Variants in NAV3 observed in about 807,000 individuals in gnomAD.
NAV3 encodes the protein pore membrane and/or filament interacting like protein 1.
NAV3 carries 87 observed loss-of-function variants against 244.7 expected under a neutral mutation model. That is an observed-to-expected ratio of 0.36 (90% CI 0.30 to 0.42). The LOEUF is 0.42. NAV3 is among the 20% of genes least tolerant of loss of function. The pLI is 1.00. For synonymous variants in NAV3, 1,126 were observed against 1,042.2 expected (o/e 1.08, Z -1.55); for missense variants, 2,663 against 2,893.3 (o/e 0.92, Z 1.83).
intron 1 of NAV3, among the ~76,000 whole-genome samples, chr12:77,925,397 T>C (rs1888098542): frequency 6.6e-6 from 1 of 152,216 alleles, no homozygotes; most frequent in Non-Finnish European, 1.5e-5. Flanking sequence ...TCTGCATGTT[T>C]TCTGTTTTTA....
At chr12:77,697,210 C>A (rs1017853109) in intron 2 of NAV3, among the ~76,000 whole-genome samples, 1 of 152,124 alleles carries the variant, frequency 6.6e-6, no homozygotes, top group Non-Finnish European at 1.5e-5. Context: ...ATTTCTCTCC[C>A]AGCCCTACCT....
intron 12 of NAV3, among the ~76,000 whole-genome samples, chr12:78,093,493 C>T (rs986494600): frequency 6.6e-6 from 1 of 152,032 alleles, no homozygotes; most frequent in Non-Finnish European, 1.5e-5. Flanking sequence ...TAGGGCATGA[C>T]GTTGTAATGG....
At chr12:77,707,947 T>G (rs1844232324) in intron 2 of NAV3, among the ~76,000 whole-genome samples, 1 of 152,184 alleles carries the variant, frequency 6.6e-6, no homozygotes, top group African/African-American at 2.4e-5. Flanking sequence ...CTTTGTAGAT[T>G]TTGGATATTA....
intron 2 of NAV3, among the ~76,000 whole-genome samples, chr12:77,767,908 G>T (rs1288286054): frequency 6.6e-6 from 1 of 152,208 alleles, no homozygotes; most frequent in East Asian, 1.9e-4. Context: ...CATTTGGCAG[G>T]TCCCAAGTTT....
At chr12:77,654,150 G>T (rs1481014855) in intron 2 of NAV3, among the ~76,000 whole-genome samples, 1 of 152,110 alleles carries the variant, frequency 6.6e-6, no homozygotes, top group African/African-American at 2.4e-5. Flanking sequence ...GCAGGGCGAG[G>T]CATTGCCTCA....
intron 4 of NAV3, among the ~76,000 whole-genome samples, chr12:77,968,007 G>A (rs149979441): frequency 1.5e-3 from 226 of 152,278 alleles, no homozygotes; most frequent in African/African-American, 5.2e-3. Context: ...GTTGGTGAGT[G>A]GGTGATTTAG....
intron 1 of NAV3, among the ~76,000 whole-genome samples, chr12:77,928,910 T>C (rs575752896): frequency 6.6e-6 from 1 of 152,192 alleles, no homozygotes; most frequent in African/African-American, 2.4e-5. Context: ...GCACTTGATA[T>C]CTGCATAACA....
At chr12:78,152,557 A>T (rs1159004949) in intron 22 of NAV3, among the ~76,000 whole-genome samples, 4 of 151,870 alleles carry the variant, frequency 2.6e-5, no homozygotes, top group Non-Finnish European at 5.9e-5. Flanking sequence ...TTTAGATTTC[A>T]TGCATCATAA....
chr12:77,932,613 C>T (rs910583419), intron 1 of NAV3, among the ~76,000 whole-genome samples: 1 of 152,124 alleles, frequency 6.6e-6, no homozygotes, highest in African/African-American at 2.4e-5. Flanking sequence ...ATACAGAAGT[C>T]TTGTAAGTAA....
intron 2 of NAV3, among the ~76,000 whole-genome samples, chr12:77,820,032 A>G (rs1049085190): frequency 2.6e-5 from 4 of 152,168 alleles, no homozygotes; most frequent in Non-Finnish European, 5.9e-5. Context: ...AAGAAAAATG[A>G]TTGGCTAAAG....
At chr12:77,755,795 G>A (rs931422794) in intron 2 of NAV3, among the ~76,000 whole-genome samples, 12 of 150,116 alleles carry the variant, frequency 8.0e-5, no homozygotes, top group African/African-American at 3.0e-4. Context: ...GTGCAGTGGC[G>A]TGAACACAGC....
At chr12:77,700,224 A>G (rs1396447738) in intron 2 of NAV3, among the ~76,000 whole-genome samples, 1 of 152,136 alleles carries the variant, frequency 6.6e-6, no homozygotes, top group Non-Finnish European at 1.5e-5. Flanking sequence ...TAGATAGTGT[A>G]GGATTAACAT....
intron 12 of NAV3, among the ~76,000 whole-genome samples, chr12:78,098,174 T>G (rs1399364759): frequency 6.6e-6 from 1 of 152,082 alleles, no homozygotes; most frequent in Non-Finnish European, 1.5e-5. Context: ...CACTAATACA[T>G]GAATAAAACT....
At chr12:77,904,744 A>G (rs746508281) in intron 1 of NAV3, among the ~76,000 whole-genome samples, 1 of 152,194 alleles carries the variant, frequency 6.6e-6, no homozygotes, top group African/African-American at 2.4e-5. Flanking sequence ...GTATTTATTA[A>G]ATTTACTTCA....
At chr12:77,834,274 A>G (rs902254764) in intron 1 of NAV3, among the ~76,000 whole-genome samples, 7 of 152,138 alleles carry the variant, frequency 4.6e-5, no homozygotes, top group African/African-American at 1.7e-4. Flanking sequence ...TTATGTATAA[A>G]ACAAGGGGTT....
At chr12:77,853,187 G>A (rs899122569) in intron 1 of NAV3, among the ~76,000 whole-genome samples, 29 of 152,282 alleles carry the variant, frequency 1.9e-4, no homozygotes, top group Admixed American at 1.2e-3. Context: ...TTTCTATGTA[G>A]TGTGATTTTG....
rs2136568534 is a variant in NAV3, at chr12:78,006,741, G to A, written c.1203G>A (p.Gln401=). ...VNARTALRPP[Q]PPSSGPSDGG... ...CCCGGACTGCTTTACGCCCCCCGCA[G>A]CCTCCCAGTTCAGGACCTAGTGATG... The change falls in exon 8 of 40, where the codon CAG becomes CAA. Residue 401 remains glutamine, a synonymous_variant. Coordinates refer to ENST00000397909, the MANE Select transcript of NAV3 (RefSeq NM_001024383.2). 6.2e-7 allele frequency: 1 copy of A among 1,614,180 alleles called. No homozygotes were observed. The highest frequency in any genetic ancestry group is 2.2e-5 in the East Asian group (1 of 44,872).
intron 1 of NAV3, among the ~76,000 whole-genome samples, chr12:77,851,561 A>G (rs1443993805): frequency 6.6e-6 from 1 of 152,128 alleles, no homozygotes; most frequent in African/African-American, 2.4e-5. Context: ...GCAATCAATT[A>G]TTTGTTACAG....
chr12:78,169,881 G>A lies in NAV3; in HGVS notation c.4981+1015G>A, dbSNP rs183050582. Among the ~76,000 whole-genome samples the A allele has an allele frequency of 2.8e-3, 423 of 151,720 alleles. 1 individual carries two copies. Among genetic ancestry groups the A allele is most frequent in the Middle Eastern group, 0.014 (4 of 294 alleles). On this transcript the variant is annotated intron_variant, in intron 24 of 39. Coordinates refer to ENST00000397909, the MANE Select transcript of NAV3 (RefSeq NM_001024383.2). The stretch of plus-strand genomic sequence containing the variant: ...GAAACATCCGGTTTTTCTAATGTTC[G>A]TGACATCATACATTCTTGGTTTTTC...
Sources: allele counts gnomAD v4.1 joint callset (sites outside exome capture counted in the v4.1 genomes callset), GRCh38; gene constraint gnomAD v4.1.1; transcripts MANE v1.5; gene names NCBI Gene and HGNC (gene_info 2026-07-23, HGNC 2026-07-21).